COL19A1: variants seen among roughly 807,000 people sequenced by gnomAD.
The protein encoded by COL19A1 is collagen alpha-1(XIX) chain.
COL19A1 carries 159 observed loss-of-function variants against 190.2 expected under a neutral mutation model. The observed-to-expected ratio is 0.84, with a 90% CI of 0.73 to 0.95. The LOEUF (loss-of-function observed/expected upper bound fraction) is 0.95. Ranked by LOEUF, COL19A1 falls within the 40% of genes least tolerant of loss-of-function variation. The pLI, the probability that COL19A1 is intolerant of heterozygous loss-of-function variation, is 0.00. For missense variants in COL19A1, 1,418 were observed against 1,431.9 expected (o/e 0.99, Z 0.16); for synonymous variants, 509 against 458.9 (o/e 1.11, Z -1.39).
In COL19A1 at chr6:70,151,993, G is replaced by A. The variant is rs546235461; in HGVS notation, c.2079+555G>A. Among the ~76,000 whole-genome samples, 3 of 147,794 alleles carry A rather than the reference G, an allele frequency of 2.0e-5. No homozygotes were observed. In the South Asian group the frequency reaches 6.5e-4, roughly 32 times the overall value. ...ATAAAAATCACCTCTACCTATTATC[G>A]TCTCAGGGAATTAATCTTGCTACCT... On this transcript the variant is annotated intron_variant, in intron 31 of 50. Coordinates refer to ENST00000620364, the MANE Select transcript of COL19A1 (RefSeq NM_001858.6).
In COL19A1 at chr6:70,163,344, G is replaced by A. The variant is rs1238851475; in HGVS notation, c.2348G>A (p.Gly783Asp). The change falls in exon 36 of 51, where the codon GGC (glycine) becomes GAC (aspartate). Residue 783 changes from glycine to aspartate, a missense_variant and splice_region_variant. By Grantham distance (94) the Gly-to-Asp change is moderately conservative (BLOSUM62 -1). Transcript: ENST00000620364. ...CAAACTTAGTTTTGTGTTTTACAGG[G>A]CTTAATGGGAAGAACTGGACATCCT... ...PGAPGPTGPP[G>D]LMGRTGHPGP... 5.0e-6 allele frequency: 8 copies of A among 1,612,034 alleles called. No individual in the cohort carries two copies. The highest frequency in any genetic ancestry group is 1.3e-5 in the African/African-American group (1 of 74,782).
intron 15 of COL19A1, among the ~76,000 whole-genome samples, chr6:70,089,131 T>C (rs1782754216): frequency 6.6e-6 from 1 of 152,186 alleles, no homozygotes; most frequent in Non-Finnish European, 1.5e-5. Flanking sequence ...GTGTTTTCTC[T>C]TTTGAATGGA....
In COL19A1 at chr6:70,162,491, G is replaced by C. The variant is rs958028472; in HGVS notation, c.2346+538G>C. Among the ~76,000 whole-genome samples the C allele has an allele frequency of 2.0e-5, 3 of 151,960 alleles. No homozygotes were observed. The South Asian group carries it at 6.2e-4, about 32-fold the overall frequency. ...ACAGAATCTCTTTTGCTTTATACTTGCCAAACCCAATCTCTCATTCAAACA... is the reference window on the plus strand; with the variant it reads ...ACAGAATCTCTTTTGCTTTATACTTCCCAAACCCAATCTCTCATTCAAACA... On this transcript the variant is annotated intron_variant, in intron 35 of 50. Transcript: ENST00000620364.
At chr6:70,171,937 T>A (rs1765524863) in intron 40 of COL19A1, 27 bp from the exon 41 acceptor site, 1 of 1,609,870 alleles carries the variant, frequency 6.2e-7, no homozygotes, top group Non-Finnish European at 8.5e-7. Flanking sequence ...TTATTGCTCC[T>A]GCATTTCTTA....
At chr6:69,902,846 C>A (rs1424442902) in intron 4 of COL19A1, among the ~76,000 whole-genome samples, 1 of 152,160 alleles carries the variant, frequency 6.6e-6, no homozygotes, top group Non-Finnish European at 1.5e-5. Context: ...CCACAATAGC[C>A]AACCATCTAC....
At chr6:70,173,760 G>A (rs1341711569) in intron 41 of COL19A1, among the ~76,000 whole-genome samples, 2 of 152,196 alleles carry the variant, frequency 1.3e-5, no homozygotes, top group African/African-American at 2.4e-5. Flanking sequence ...GCTGCAAACG[G>A]TAGCGAATAA....
rs1768006498 is a variant in COL19A1, at chr6:70,208,140, T to C, written c.*866T>C. On this transcript the variant is annotated 3_prime_UTR_variant, in exon 51 of 51. Transcript: ENST00000620364. ...GCTTGGTGGTGAAGCCACCAAGCTGTCTTTGGTACTCTTAAAGCTTCAGTG... is the reference window on the plus strand; with the variant it reads ...GCTTGGTGGTGAAGCCACCAAGCTGCCTTTGGTACTCTTAAAGCTTCAGTG... 1 of 152,186 alleles carries C rather than the reference T, an allele frequency of 6.6e-6. No homozygotes were observed. Among genetic ancestry groups the C allele is most frequent in the African/African-American group, 2.4e-5 (1 of 41,428 alleles). 9.4% of individuals were successfully genotyped at this position (152,186 alleles called of 1,614,324 possible). A position where few individuals can be genotyped will look rare whatever the true frequency, so the allele number is the denominator to read the frequency against.
At chr6:70,023,214 A>G (rs779108402) in intron 11 of COL19A1, among the ~76,000 whole-genome samples, 18 of 150,660 alleles carry the variant, frequency 1.2e-4, no homozygotes, top group Non-Finnish European at 1.0e-4. Flanking sequence ...GCTCACTGCA[A>G]CCTCCGCCTC....
At chr6:70,200,403 G>A (rs904425739) in intron 49 of COL19A1, among the ~76,000 whole-genome samples, 7 of 152,084 alleles carry the variant, frequency 4.6e-5, no homozygotes, top group Admixed American at 1.3e-4. Context: ...AATATGATTA[G>A]CAATCCAGCA....
intron 9 of COL19A1, among the ~76,000 whole-genome samples, chr6:69,949,545 T>C (rs781682484): frequency 6.6e-6 from 1 of 151,924 alleles, no homozygotes; most frequent in Non-Finnish European, 1.5e-5. Context: ...TTCAAAATTT[T>C]AAAATCATCC....
intron 7 of COL19A1, among the ~76,000 whole-genome samples, chr6:69,935,120 T>A (rs1304404440): frequency 1.3e-5 from 2 of 152,008 alleles, no homozygotes; most frequent in Admixed American, 1.3e-4. Flanking sequence ...TGACTCTAGA[T>A]ATAAAAAGAA....
At chr6:69,943,484 A>G (rs954903008) in intron 9 of COL19A1, among the ~76,000 whole-genome samples, 1 of 152,078 alleles carries the variant, frequency 6.6e-6, no homozygotes, top group Non-Finnish European at 1.5e-5. Context: ...CTTTGCCTAG[A>G]CTAATGTACC....
chr6:69,963,737 T>G (rs919721063), intron 11 of COL19A1, among the ~76,000 whole-genome samples: 2 of 152,200 alleles, frequency 1.3e-5, no homozygotes, highest in Admixed American at 1.3e-4. Flanking sequence ...CTAAGTGCTG[T>G]CATTTAAAGT....
intron 41 of COL19A1, among the ~76,000 whole-genome samples, chr6:70,174,557 C>A (rs1380786068): frequency 1.6e-5 from 2 of 127,656 alleles, no homozygotes; most frequent in African/African-American, 5.7e-5. Context: ...CAGACTCCGT[C>A]TCAAAAAAAA....
intron 14 of COL19A1, among the ~76,000 whole-genome samples, chr6:70,065,288 C>T (rs1781107702): frequency 6.6e-6 from 1 of 152,088 alleles, no homozygotes; most frequent in South Asian, 2.1e-4. Context: ...GAACAGAGCC[C>T]TCAGAAATAA....
At chr6:70,053,415 G>A (rs1343339435) in intron 14 of COL19A1, among the ~76,000 whole-genome samples, 1 of 151,862 alleles carries the variant, frequency 6.6e-6, no homozygotes, top group African/African-American at 2.4e-5. Context: ...TGATTATTTG[G>A]AAGTCACATA....
chr6:70,009,922 C>A (rs1777884552), intron 11 of COL19A1, among the ~76,000 whole-genome samples: 1 of 152,040 alleles, frequency 6.6e-6, no homozygotes, highest in African/African-American at 2.4e-5. Context: ...ACCCATACCT[C>A]CCACATTATA....
chr6:70,099,219 A>C lies in COL19A1; in HGVS notation c.1225-2950A>C, dbSNP rs2150184618. ...ACTGATACTTGAGACTTAAGTCTCA[A>C]GAGTTTTTCCTAAGGTGAATCTTGT... On this transcript the variant is annotated intron_variant, in intron 15 of 50. Coordinates refer to ENST00000620364, the MANE Select transcript of COL19A1 (RefSeq NM_001858.6). 2.0e-5 allele frequency among the ~76,000 whole-genome samples: 3 copies of C among 152,158 alleles called. No homozygotes were observed. The South Asian group carries it at 6.2e-4, about 32-fold the overall frequency.
At position 69,949,247 on chromosome 6, in the gene COL19A1, C is replaced by A. The variant is rs3828764; in HGVS notation, c.937-10749C>A. ...GAGACCGTACTTAGTGGTTAATATCCTTCCAATACCTATAGAAGCACTGAG... is the reference window on the plus strand; with the variant it reads ...GAGACCGTACTTAGTGGTTAATATCATTCCAATACCTATAGAAGCACTGAG... On this transcript the variant is annotated intron_variant, in intron 9 of 50. Transcript: ENST00000620364. 5.5e-3 allele frequency among the ~76,000 whole-genome samples: 832 copies of A among 151,884 alleles called. 19 individuals carry two copies. In the East Asian group the frequency reaches 0.068, roughly 12 times the overall value.
Sources: allele counts gnomAD v4.1 joint callset (sites outside exome capture counted in the v4.1 genomes callset), GRCh38; gene constraint gnomAD v4.1.1; transcripts MANE v1.5; gene names NCBI Gene and HGNC (gene_info 2026-07-23, HGNC 2026-07-21).